The following EHMT1 variants were observed in gnomAD, a reference collection of about 807,000 sequenced individuals.
EHMT1 encodes euchromatic histone lysine methyltransferase 1, also known as histone-lysine N-methyltransferase EHMT1.
A neutral mutation model predicts 147.2 loss-of-function variants in EHMT1; 15 were observed. That is an observed-to-expected ratio of 0.10 (90% CI 0.07 to 0.16). EHMT1 has a LOEUF of 0.16. Among genes scored for constraint, EHMT1 ranks in the 10% least tolerant of loss-of-function variants. EHMT1 has a pLI of 1.00. For synonymous variants in EHMT1, 795 were observed against 709.6 expected, an observed-to-expected ratio of 1.12 and a Z score of -1.91; for missense variants, 1,587 against 1,772.4, an observed-to-expected ratio of 0.90 and a Z score of 1.88.
intron 9 of EHMT1, among the ~76,000 whole-genome samples, chr9:137,759,689 C>A (rs1482848681): frequency 1.3e-5 from 2 of 152,248 alleles, no homozygotes. Context: ...AGCGATTGGC[C>A]TGTTCAGTCA....
chr9:137,746,836 C>T (rs1190915723), intron 6 of EHMT1: 1 of 152,222 alleles, frequency 6.6e-6, no homozygotes, highest in African/African-American at 2.4e-5. Flanking sequence ...TCGATTCTCT[C>T]TTTCGATTGA....
chr9:137,654,804 GA>G (rs1421227108), intron 1 of EHMT1, among the ~76,000 whole-genome samples: 1 of 152,162 alleles, frequency 6.6e-6, no homozygotes, highest in Non-Finnish European at 1.5e-5. Context: ...GCTGAACAGG[GA>G]AGTGAACAGT....
chr9:137,648,364 C>T (rs1163054525), intron 1 of EHMT1, among the ~76,000 whole-genome samples: 1 of 151,866 alleles, frequency 6.6e-6, no homozygotes, highest in African/African-American at 2.4e-5. Context: ...TACATTAAGT[C>T]AGTAGCCAGC....
intron 14 of EHMT1, among the ~76,000 whole-genome samples, chr9:137,780,408 T>C (rs1466562799): frequency 2.2e-5 from 3 of 134,156 alleles, no homozygotes; most frequent in African/African-American, 5.9e-5. Context: ...GTGATGACGC[T>C]GGGATGTGTG....
At chr9:137,827,554 A>G (rs1955893043) in intron 25 of EHMT1, among the ~76,000 whole-genome samples, 1 of 152,012 alleles carries the variant, frequency 6.6e-6, no homozygotes, top group South Asian at 2.1e-4. Flanking sequence ...GTGGGCACCC[A>G]CCCCTGGGTC....
intron 1 of EHMT1, among the ~76,000 whole-genome samples, chr9:137,654,877 G>A (rs1257786003): frequency 6.6e-6 from 1 of 152,252 alleles, no homozygotes; most frequent in East Asian, 1.9e-4. Context: ...GTACAGCCAA[G>A]CTGGGATGCT....
At chr9:137,707,154 T>A (rs1305820737) in intron 1 of EHMT1, among the ~76,000 whole-genome samples, 2 of 152,222 alleles carry the variant, frequency 1.3e-5, no homozygotes, top group East Asian at 3.8e-4. Flanking sequence ...GTAAACTAAT[T>A]TGTCCTTAAT....
intron 25 of EHMT1, among the ~76,000 whole-genome samples, chr9:137,829,775 G>A (rs1021739165): frequency 4.6e-5 from 7 of 152,180 alleles, no homozygotes; most frequent in South Asian, 2.1e-4. Flanking sequence ...CTCTTATCCC[G>A]TGTTTGCGGC....
rs901785447 is a variant in EHMT1, at chr9:137,815,983, C to G, written c.3295C>G (p.Pro1099Ala). The G allele has an allele frequency of 2.5e-6, 4 of 1,611,720 alleles. No homozygotes were observed. Among genetic ancestry groups the G allele is most frequent in the Non-Finnish European group, 3.4e-6 (4 of 1,178,986 alleles). Residue 1099 changes from proline to alanine, a missense_variant, in exon 23 of 27, where the codon CCT (proline) becomes GCT (alanine). Physicochemically the swap from Pro to Ala is conservative, Grantham distance 27. Around this residue, in one of 7 missense-constraint regions of EHMT1, gnomAD observed 156 missense variants for 252.5 expected, o/e 0.62. Coordinates refer to ENST00000460843, the MANE Select transcript of EHMT1 (RefSeq NM_024757.5). ...CCTGCCAGAGTTCAACATGGCGGAG[C>G]CTCCCTTGATCTTCGAATGCAACCA... The part of the protein sequence containing the change: ...RLLPEFNMAE[P>A]PLIFECNHAC...
chr9:137,723,106 G>T (rs1349196434), intron 3 of EHMT1, among the ~76,000 whole-genome samples: 12 of 141,148 alleles, frequency 8.5e-5, no homozygotes, highest in African/African-American at 3.2e-4. Flanking sequence ...CTGAGCCCGG[G>T]GTGTGTCTGT....
chr9:137,660,588 G>C (rs72765200), intron 1 of EHMT1, among the ~76,000 whole-genome samples: 8,131 of 152,164 alleles, frequency 0.053, 277 homozygotes, highest in South Asian at 0.15. Context: ...AAAATTTCAT[G>C]AACAATCCTG....
intron 2 of EHMT1, among the ~76,000 whole-genome samples, chr9:137,716,063 G>T (rs1226032631): frequency 1.4e-5 from 2 of 138,734 alleles, no homozygotes; most frequent in African/African-American, 5.6e-5. Context: ...TCATGGTGGG[G>T]GGAGGAAATT....
intron 1 of EHMT1, among the ~76,000 whole-genome samples, chr9:137,621,694 G>GC (rs1281511656): frequency 6.6e-6 from 1 of 152,132 alleles, no homozygotes; most frequent in African/African-American, 2.4e-5. Flanking sequence ...AGTAAATGGG[G>GC]CATCTTAGGG....
At chr9:137,768,349 T>G (rs1015697775) in intron 10 of EHMT1, among the ~76,000 whole-genome samples, 40 of 136,408 alleles carry the variant, frequency 2.9e-4, no homozygotes, top group Non-Finnish European at 4.2e-4. Context: ...TTCTGTGTGT[T>G]TTTTTTTTTT....
At chr9:137,772,280 G>T (rs1451868281) in intron 10 of EHMT1, among the ~76,000 whole-genome samples, 1 of 152,164 alleles carries the variant, frequency 6.6e-6, no homozygotes, top group Admixed American at 6.5e-5. Flanking sequence ...GGTAATTTTT[G>T]AAATTAGGCA....
At chr9:137,764,106 T>G (rs749043500) in intron 10 of EHMT1, 1 of 152,400 alleles carries the variant, frequency 6.6e-6, no homozygotes, top group East Asian at 1.9e-4. Context: ...CTGGTTCGCC[T>G]CCTCTTCTCC....
At chr9:137,759,737 G>A (rs1949659805) in intron 9 of EHMT1, among the ~76,000 whole-genome samples, 1 of 152,246 alleles carries the variant, frequency 6.6e-6, no homozygotes, top group African/African-American at 2.4e-5. Flanking sequence ...AGAAGAGACA[G>A]GCGGTGCGCC....
chr9:137,818,047 G>A lies in EHMT1; in HGVS notation c.3462-13G>A, dbSNP rs764665478. ...TGCCTTCCAGGGCCTCACCTGCACC[G>A]CACCCTCTGCAGGTATGTTGGGGAG... On this transcript the variant is annotated splice_polypyrimidine_tract_variant and intron_variant, in intron 24 of 26. Transcript: ENST00000460843. 4.3e-6 allele frequency: 7 copies of A among 1,613,884 alleles called. No homozygotes were observed. The highest frequency in any genetic ancestry group is 1.7e-5 in the Admixed American group (1 of 59,994).
intron 1 of EHMT1, among the ~76,000 whole-genome samples, chr9:137,688,378 C>G (rs1168780016): frequency 1.3e-5 from 2 of 152,124 alleles, no homozygotes; most frequent in South Asian, 2.1e-4. Context: ...TTTATATAAA[C>G]TCGGTTCATT....
Sources: allele counts gnomAD v4.1 joint callset (sites outside exome capture counted in the v4.1 genomes callset), GRCh38; gene constraint gnomAD v4.1.1; regional missense constraint gnomAD v4.1.1; transcripts MANE v1.5; gene names NCBI Gene and HGNC (gene_info 2026-07-23, HGNC 2026-07-21).